RSBN1L: variants seen among roughly 807,000 people sequenced by gnomAD.
The protein encoded by RSBN1L is round spermatid basic protein 1 like.
A neutral mutation model predicts 67.7 loss-of-function variants in RSBN1L; 30 were observed. That is an observed-to-expected ratio of 0.44 (90% CI 0.33 to 0.60). The LOEUF is 0.60. Among genes scored for constraint, RSBN1L ranks in the 20% least tolerant of loss-of-function variants. RSBN1L has a pLI of 0.02. For missense variants in RSBN1L, 992 were observed against 1,031.7 expected (o/e 0.96, Z 0.53); for synonymous variants, 433 against 387.0 (o/e 1.12, Z -1.39).
chr7:77,708,876 AC>A (rs1383761093), intron 1 of RSBN1L, among the ~76,000 whole-genome samples: 1 of 152,228 alleles, frequency 6.6e-6, no homozygotes, highest in African/African-American at 2.4e-5. Flanking sequence ...TGATTGGTAT[AC>A]TTGGACATGG....
Position 77,773,333 on chromosome 7 carries a change from A to G in RSBN1L, c.1793+19A>G, listed in dbSNP as rs896763440. 15 of 1,415,972 alleles carry G rather than the reference A, an allele frequency of 1.1e-5. No homozygotes were observed. Among genetic ancestry groups the G allele is most frequent in the East Asian group, 2.5e-5 (1 of 40,226 alleles). 87.7% of individuals were successfully genotyped at this position (1,415,972 alleles called of 1,614,324 possible). A position where few individuals can be genotyped will look rare whatever the true frequency, so the allele number is the denominator to read the frequency against. The stretch of plus-strand genomic sequence containing the variant: ...GAGAGTGGTATATATAACTACCGCT[A>G]TTTTAATGAAAGAATTTCTTGGCTT... On this transcript the variant is annotated intron_variant, in intron 6 of 7. Coordinates refer to ENST00000334955, the MANE Select transcript of RSBN1L (RefSeq NM_198467.3).
chr7:77,773,244 A>G lies in RSBN1L; in HGVS notation c.1723A>G (p.Ile575Val), dbSNP rs1791869970. ...EDRTRAHADHIGQGFERQTTA... is the reference protein window; with the variant it reads ...EDRTRAHADHVGQGFERQTTA... Reference sequence around the variant, plus strand: ...CAGGACAAGAGCTCATGCAGATCATATAGGACAAGGTTTTGAACGACAGAC... The same window carrying G: ...CAGGACAAGAGCTCATGCAGATCATGTAGGACAAGGTTTTGAACGACAGAC... The change falls in exon 6 of 8, where the codon ATA (isoleucine) becomes GTA (valine). Residue 575 changes from isoleucine (I) to valine (V), a missense_variant. Transcript: ENST00000334955. The G allele has an allele frequency of 1.9e-6, 3 of 1,613,458 alleles. No homozygotes were observed. The highest frequency in any genetic ancestry group is 1.3e-5 in the African/African-American group (1 of 74,926).
At chr7:77,778,256 G>A in intron 6 of RSBN1L, 82 bp from the exon 7 acceptor site, 1 of 882,564 alleles carries the variant, frequency 1.1e-6, no homozygotes, top group Non-Finnish European at 1.8e-6. Flanking sequence ...TGACCATAAA[G>A]TATTTTTGCT....
intron 3 of RSBN1L, among the ~76,000 whole-genome samples, chr7:77,764,701 A>C (rs1053656774): frequency 6.6e-6 from 1 of 151,140 alleles, no homozygotes; most frequent in African/African-American, 2.4e-5. Context: ...ATCTCGGCTC[A>C]TTGCAAGCTC....
At chr7:77,741,363 A>G (rs920266267) in intron 2 of RSBN1L, among the ~76,000 whole-genome samples, 6 of 151,710 alleles carry the variant, frequency 4.0e-5, no homozygotes. Context: ...TGTTATAGGT[A>G]CCTGTCAGGA....
chr7:77,702,507 A>G (rs1790832253), intron 1 of RSBN1L, among the ~76,000 whole-genome samples: 1 of 152,128 alleles, frequency 6.6e-6, no homozygotes, highest in South Asian at 2.1e-4. Context: ...ATCATGAGCA[A>G]GGTTAATGAC....
intron 3 of RSBN1L, among the ~76,000 whole-genome samples, chr7:77,762,302 C>T (rs1259459954): frequency 1.3e-5 from 2 of 151,964 alleles, no homozygotes; most frequent in Admixed American, 6.6e-5. Context: ...TTAATAGGAC[C>T]ATACTTAAAA....
intron 1 of RSBN1L, among the ~76,000 whole-genome samples, chr7:77,727,100 T>C (rs1329463590): frequency 6.7e-6 from 1 of 148,150 alleles, no homozygotes; most frequent in Non-Finnish European, 1.5e-5. Flanking sequence ...TTTTTTTTTT[T>C]TTTTGAGATG....
Position 77,778,803 on chromosome 7 carries a change from A to G in RSBN1L, c.2176A>G (p.Met726Val), listed in dbSNP as rs748548463. 4 of 1,614,158 alleles carry G rather than the reference A, an allele frequency of 2.5e-6. No individual in the cohort carries two copies. The highest frequency in any genetic ancestry group is 3.4e-6 in the Non-Finnish European group (4 of 1,180,018). Reference sequence around the variant, plus strand: ...TGTTCTTGGACCTCACACTGACAACATGATTTGTGCTGTAAGCAAAGCCTC... The same window carrying G: ...TGTTCTTGGACCTCACACTGACAACGTGATTTGTGCTGTAAGCAAAGCCTC... ...SSVLGPHTDNMICAVSKASLD... is the reference protein window; with the variant it reads ...SSVLGPHTDNVICAVSKASLD... Residue 726 changes from methionine to valine, a missense_variant, in exon 8 of 8, where the codon ATG (methionine) becomes GTG (valine). By Grantham distance (21) the Met-to-Val change is conservative (BLOSUM62 1). Transcript: ENST00000334955.
Position 77,779,304 on chromosome 7 carries a change from A to G in RSBN1L, c.*136A>G, listed in dbSNP as rs922915321. 1 of 661,238 alleles carries G rather than the reference A, an allele frequency of 1.5e-6. No individual in the cohort carries two copies. Among genetic ancestry groups the G allele is most frequent in the African/African-American group, 1.8e-5 (1 of 54,638 alleles). 41.0% of individuals were successfully genotyped at this position (661,238 alleles called of 1,614,324 possible). ...TTTATGTAGCTTTGTAACATTCCTC[A>G]GTGCCTGTCCATAACTGTGAAGTAT... On this transcript the variant is annotated 3_prime_UTR_variant, in exon 8 of 8. Transcript: ENST00000334955.
intron 3 of RSBN1L, among the ~76,000 whole-genome samples, chr7:77,758,103 T>C (rs1791644768): frequency 6.6e-6 from 1 of 152,216 alleles, no homozygotes; most frequent in Non-Finnish European, 1.5e-5. Flanking sequence ...CTGTTTTTAA[T>C]CGATAAAAGA....
At chr7:77,701,181 AACAACAAC>A (rs1267694516) in intron 1 of RSBN1L, among the ~76,000 whole-genome samples, 23 of 147,778 alleles carry the variant, frequency 1.6e-4, no homozygotes, top group African/African-American at 4.8e-4. Context: ...CAACAACAAC[AACAACAAC>A]AAAAAAAAAC....
intron 2 of RSBN1L, among the ~76,000 whole-genome samples, chr7:77,741,771 TG>T (rs1347311351): frequency 1.3e-5 from 2 of 152,042 alleles, no homozygotes; most frequent in Non-Finnish European, 1.5e-5. Flanking sequence ...AGAAGCAAAT[TG>T]GTATTTAAAA....
chr7:77,777,624 T>G (rs978072265), intron 6 of RSBN1L, among the ~76,000 whole-genome samples: 66 of 152,210 alleles, frequency 4.3e-4, no homozygotes, highest in African/African-American at 1.5e-3. Context: ...ATATAATGTA[T>G]TACATGATTC....
chr7:77,716,532 A>T (rs1210349862), intron 1 of RSBN1L, among the ~76,000 whole-genome samples: 2 of 146,080 alleles, frequency 1.4e-5, no homozygotes, highest in African/African-American at 5.1e-5. Context: ...CACGCTCTAG[A>T]TATTTTCATT....
chr7:77,736,669 A>C (rs947581192), intron 2 of RSBN1L, 143 bp downstream of exon 2: 1 of 384,498 alleles, frequency 2.6e-6, no homozygotes, highest in East Asian at 5.0e-5. Flanking sequence ...AGTAAATGTA[A>C]CAACGGAGAG....
chr7:77,754,360 T>C lies in RSBN1L; in HGVS notation c.1344+4296T>C, dbSNP rs895120235. On this transcript the variant is annotated intron_variant, in intron 3 of 7. Coordinates refer to ENST00000334955, the MANE Select transcript of RSBN1L (RefSeq NM_198467.3). ...CTTAGTATTACATTAAGGCTATAGA[T>C]AAGTTAGGGTAGAATCGATGCCTTT... is the stretch of plus-strand genomic sequence containing the variant. Among the ~76,000 whole-genome samples the C allele has an allele frequency of 3.9e-5, 6 of 152,198 alleles. No homozygotes were observed. The South Asian group carries it at 1.0e-3, about 26-fold the overall frequency.
intron 2 of RSBN1L, among the ~76,000 whole-genome samples, chr7:77,746,014 C>T (rs565837206): frequency 1.3e-5 from 2 of 152,286 alleles, no homozygotes; most frequent in Admixed American, 1.3e-4. Flanking sequence ...GGCTGTAATA[C>T]AGATGAAGCT....
intron 3 of RSBN1L, among the ~76,000 whole-genome samples, chr7:77,764,267 TAA>T (rs1791734104): frequency 6.6e-6 from 1 of 152,256 alleles, no homozygotes; most frequent in South Asian, 2.1e-4. Flanking sequence ...GTTTTGCTTA[TAA>T]TTTGGTTATC....
Sources: allele counts gnomAD v4.1 joint callset (sites outside exome capture counted in the v4.1 genomes callset), GRCh38; gene constraint gnomAD v4.1.1; transcripts MANE v1.5; gene names NCBI Gene and HGNC (gene_info 2026-07-23, HGNC 2026-07-21).